LVRN: variants seen among roughly 807,000 people sequenced by gnomAD.
LVRN encodes aminopeptidase Q.
LVRN carries 99 observed loss-of-function variants against 111.4 expected under a neutral mutation model. The observed-to-expected ratio is 0.89, with a 90% CI of 0.76 to 1.05. The LOEUF is 1.05. LVRN is among the 50% of genes least tolerant of loss of function. The pLI is 0.00. For missense variants in LVRN, 1,414 were observed against 1,206.8 expected (o/e 1.17, Z -2.54); for synonymous variants, 488 against 449.5 (o/e 1.09, Z -1.08).
At chr5:115,963,378 T>A in intron 1 of LVRN, 66 bp downstream of exon 1, 10 of 1,334,164 alleles carry the variant, frequency 7.5e-6, no homozygotes, top group Non-Finnish European at 1.0e-6. Context: ...AGGCTGCGGG[T>A]CCAGCTGACT....
intron 1 of LVRN, chr5:115,975,001 A>G: frequency 2.7e-6 from 1 of 374,420 alleles, no homozygotes; most frequent in Non-Finnish European, 5.3e-6. Context: ...TGGGTGAAAT[A>G]AGATCTAGAA....
intron 1 of LVRN, among the ~76,000 whole-genome samples, chr5:115,970,244 C>T (rs191243299): frequency 1.2e-3 from 177 of 152,244 alleles, no homozygotes; most frequent in Admixed American, 1.7e-3. Flanking sequence ...ATCACTGTAA[C>T]CTTCTTATCT....
intron 19 of LVRN, among the ~76,000 whole-genome samples, chr5:116,024,900 A>T (rs1748830843): frequency 6.6e-6 from 1 of 152,336 alleles, no homozygotes; most frequent in Non-Finnish European, 1.5e-5. Context: ...TAAATAATAA[A>T]AAAGAAAGTG....
At chr5:116,013,780 C>T (rs746693718) in intron 15 of LVRN, among the ~76,000 whole-genome samples, 6 of 152,154 alleles carry the variant, frequency 3.9e-5, no homozygotes, top group Non-Finnish European at 7.3e-5. Context: ...CAAGGCATCA[C>T]TTACCTGGAT....
intron 13 of LVRN, among the ~76,000 whole-genome samples, chr5:116,006,658 A>G (rs1748381847): frequency 6.6e-6 from 1 of 152,132 alleles, no homozygotes; most frequent in African/African-American, 2.4e-5. Context: ...AGGACCAATC[A>G]TGGTTACATT....
intron 1 of LVRN, chr5:115,974,949 C>G: frequency 4.5e-6 from 2 of 441,584 alleles, no homozygotes; most frequent in Non-Finnish European, 9.0e-6. Flanking sequence ...GATAAATGAT[C>G]TGCAACTGCC....
At chr5:115,980,208 C>G (rs1753534309) in intron 1 of LVRN, among the ~76,000 whole-genome samples, 1 of 151,980 alleles carries the variant, frequency 6.6e-6, no homozygotes, top group African/African-American at 2.4e-5. Flanking sequence ...GTGGATGGTT[C>G]TATTTTCTGA....
intron 5 of LVRN, 128 bp downstream of exon 5, chr5:115,992,405 T>C (rs954705784): frequency 9.4e-7 from 1 of 1,069,264 alleles, no homozygotes; most frequent in African/African-American, 1.6e-5. Flanking sequence ...TCTCAAAGTA[T>C]GACAGTGAGT....
Position 116,026,048 on chromosome 5 carries a change from T to TAAAG in LVRN, c.2906_2909dup (p.Asn970LysfsTer3). The TAAAG allele has an allele frequency of 6.2e-7, 1 of 1,613,848 alleles. No homozygotes were observed. The highest frequency in any genetic ancestry group is 8.5e-7 in the Non-Finnish European group (1 of 1,179,854). Reference sequence around the variant, plus strand: ...AGAGTTCATGCCAACTTACAGACAATAAAGAATGAAAATCTGAAAAACAAG... The same window carrying TAAAG: ...AGAGTTCATGCCAACTTACAGACAATAAAGAAAGAATGAAAATCTGAAAAACAAG... On this transcript the variant is annotated frameshift_variant, in exon 20 of 20. Coordinates refer to ENST00000357872, the MANE Select transcript of LVRN (RefSeq NM_173800.5). LOFTEE classifies it high-confidence loss of function.
At chr5:116,004,085 T>C (rs1201584425) in intron 12 of LVRN, among the ~76,000 whole-genome samples, 1 of 152,234 alleles carries the variant, frequency 6.6e-6, no homozygotes, top group African/African-American at 2.4e-5. Flanking sequence ...AGTGAAAGTA[T>C]ACTTAAAATT....
chr5:115,983,290 C>G lies in LVRN; in HGVS notation c.699C>G (p.Ala233=), dbSNP rs1419276853. The change falls in exon 2 of 20, where the codon GCC becomes GCG. Residue 233 remains alanine, a synonymous_variant. Coordinates refer to ENST00000357872, the MANE Select transcript of LVRN (RefSeq NM_173800.5). ...ATTTCCCCAAAATGTATTTCAGGGC[C>G]CTGTTAGCGTCCCAGCTGGAACCAA... ...NVYTDQGERR[A]LLASQLEPTF... The G allele has an allele frequency of 6.3e-7, 1 of 1,579,454 alleles. No homozygotes were observed. The highest frequency in any genetic ancestry group is 8.6e-7 in the Non-Finnish European group (1 of 1,169,110).
chr5:115,984,751 C>A, intron 3 of LVRN, 42 bp downstream of exon 3: 1 of 1,607,744 alleles, frequency 6.2e-7, no homozygotes, highest in South Asian at 1.1e-5. Context: ...ATTGTACTGG[C>A]TGCAGATTAT....
chr5:116,013,952 C>A (rs1417984625), intron 15 of LVRN, among the ~76,000 whole-genome samples: 1 of 152,108 alleles, frequency 6.6e-6, no homozygotes, highest in East Asian at 1.9e-4. Context: ...CACACTAAAG[C>A]AAAAGAAAAC....
chr5:115,988,346 TA>T (rs200673543), intron 4 of LVRN, among the ~76,000 whole-genome samples: 3,459 of 141,274 alleles, frequency 0.024, 132 homozygotes, highest in African/African-American at 0.086. Flanking sequence ...TTTTTTTTTT[TA>T]AATATCCATT....
chr5:115,979,924 TG>T (rs1753526873), intron 1 of LVRN, among the ~76,000 whole-genome samples: 1 of 152,218 alleles, frequency 6.6e-6, no homozygotes, highest in East Asian at 1.9e-4. Context: ...AGTAGATTTT[TG>T]TTTATGTTGT....
chr5:115,982,575 T>G (rs1476629709), intron 1 of LVRN, among the ~76,000 whole-genome samples: 2 of 152,106 alleles, frequency 1.3e-5, no homozygotes, highest in African/African-American at 2.4e-5. Context: ...GTCATCAGAC[T>G]CAGGCAGTGT....
intron 18 of LVRN, among the ~76,000 whole-genome samples, chr5:116,017,490 TC>T (rs1748626833): frequency 6.6e-6 from 1 of 152,214 alleles, no homozygotes; most frequent in Non-Finnish European, 1.5e-5. Context: ...GGAGGTTTCT[TC>T]CTCTAAGAAC....
At chr5:115,992,482 C>T (rs889830673) in intron 5 of LVRN, among the ~76,000 whole-genome samples, 2 of 152,040 alleles carry the variant, frequency 1.3e-5, no homozygotes, top group African/African-American at 2.4e-5. Context: ...GGGAGGAGAC[C>T]GTACAGTTTG....
chr5:115,994,622 A>G (rs1748066089), intron 6 of LVRN, among the ~76,000 whole-genome samples: 1 of 137,446 alleles, frequency 7.3e-6, no homozygotes, highest in Non-Finnish European at 1.6e-5. Flanking sequence ...CTTTTATGAT[A>G]AGTAATATGC....
Sources: gnomAD v4.1 joint callset for allele counts (sites outside exome capture counted in the v4.1 genomes callset) on GRCh38, gnomAD v4.1.1 for gene constraint, MANE v1.5 for transcripts, NCBI Gene and HGNC (gene_info 2026-07-23, HGNC 2026-07-21) for gene names.